EPHA6: variants seen among roughly 807,000 people sequenced by gnomAD.
EPHA6 encodes EPH receptor A6.
Under a neutral mutation model 112.0 loss-of-function variants are expected in EPHA6, and 50 were observed. The observed-to-expected ratio is 0.45, with a 90% CI of 0.36 to 0.56. The LOEUF is 0.56. EPHA6 is among the 20% of genes least tolerant of loss of function. EPHA6 has a pLI of 0.00. For synonymous variants in EPHA6, 529 were observed against 490.7 expected (o/e 1.08, Z -1.03); for missense variants, 1,280 against 1,417.4 (o/e 0.90, Z 1.56).
At chr3:97,093,684 A>G (rs543209644) in intron 3 of EPHA6, among the ~76,000 whole-genome samples, 14 of 152,332 alleles carry the variant, frequency 9.2e-5, no homozygotes, top group Admixed American at 2.6e-4. Context: ...GTAACATGCT[A>G]TAATTATTAT....
intron 2 of EPHA6, among the ~76,000 whole-genome samples, chr3:96,875,374 C>T (rs748969612): frequency 3.3e-5 from 5 of 152,024 alleles, no homozygotes; most frequent in South Asian, 4.1e-4. Context: ...ATTTAATACT[C>T]GAGCAACTAT....
At chr3:97,663,432 C>G (rs2094183070) in intron 14 of EPHA6, among the ~76,000 whole-genome samples, 1 of 151,332 alleles carries the variant, frequency 6.6e-6, no homozygotes, top group African/African-American at 2.4e-5. Flanking sequence ...TGTGCTGCAC[C>G]CATTAACTCG....
intron 6 of EPHA6, among the ~76,000 whole-genome samples, chr3:97,445,954 C>T (rs1227628837): frequency 6.6e-6 from 1 of 152,060 alleles, no homozygotes; most frequent in African/African-American, 2.4e-5. Context: ...CCAACATACC[C>T]TATCTAAACA....
chr3:97,435,312 T>C (rs1289289678), intron 6 of EPHA6, among the ~76,000 whole-genome samples: 1 of 152,204 alleles, frequency 6.6e-6, no homozygotes, highest in Admixed American at 6.5e-5. Flanking sequence ...AACAAATTTA[T>C]TAATTTTGAA....
intron 5 of EPHA6, among the ~76,000 whole-genome samples, chr3:97,394,957 G>C (rs760712682): frequency 1.3e-5 from 2 of 151,264 alleles, no homozygotes; most frequent in Non-Finnish European, 3.0e-5. Flanking sequence ...GATAATCCAG[G>C]CTAATTCCCC....
chr3:97,634,098 C>T (rs779299578), intron 13 of EPHA6, among the ~76,000 whole-genome samples: 2 of 152,072 alleles, frequency 1.3e-5, no homozygotes, highest in East Asian at 1.9e-4. Flanking sequence ...GATAAGAATA[C>T]AGGCTCTGTC....
chr3:97,130,010 C>T (rs2048295671), intron 3 of EPHA6, among the ~76,000 whole-genome samples: 1 of 152,082 alleles, frequency 6.6e-6, no homozygotes, highest in Non-Finnish European at 1.5e-5. Flanking sequence ...AGAGTTAGGT[C>T]AAGGAATAGT....
chr3:97,386,107 A>C (rs981974979), intron 5 of EPHA6, among the ~76,000 whole-genome samples: 1 of 152,148 alleles, frequency 6.6e-6, no homozygotes, highest in Admixed American at 6.5e-5. Context: ...TCATTCAAGC[A>C]TTAACTCAAA....
chr3:97,184,180 C>A (rs1009319362), intron 3 of EPHA6, among the ~76,000 whole-genome samples: 2 of 152,008 alleles, frequency 1.3e-5, no homozygotes, highest in East Asian at 1.9e-4. Flanking sequence ...TTATCAAGTT[C>A]TATTTTAAAG....
At chr3:96,849,413 A>G (rs907392563) in intron 1 of EPHA6, among the ~76,000 whole-genome samples, 16 of 152,122 alleles carry the variant, frequency 1.1e-4, no homozygotes, top group Non-Finnish European at 1.9e-4. Context: ...ATAAATATAT[A>G]GAGAATTATT....
At chr3:97,614,501 A>ATTT (rs35126699) in intron 13 of EPHA6, among the ~76,000 whole-genome samples, 45 of 98,208 alleles carry the variant, frequency 4.6e-4, no homozygotes, top group African/African-American at 1.5e-3. Context: ...CACCCAGCTA[A>ATTT]TTTTTTTTTT....
intron 14 of EPHA6, among the ~76,000 whole-genome samples, chr3:97,687,879 G>A (rs368042624): frequency 5.3e-5 from 8 of 152,174 alleles, no homozygotes; most frequent in African/African-American, 1.9e-4. Context: ...GCAGGTATCT[G>A]GAGCATGCCT....
At chr3:97,206,249 G>T (rs945111923) in intron 3 of EPHA6, among the ~76,000 whole-genome samples, 1 of 151,746 alleles carries the variant, frequency 6.6e-6, no homozygotes, top group Non-Finnish European at 1.5e-5. Flanking sequence ...CTCCTACCTG[G>T]TCTCATTGCT....
chr3:97,731,486 G>C (rs892133494), intron 15 of EPHA6, among the ~76,000 whole-genome samples: 4 of 151,972 alleles, frequency 2.6e-5, no homozygotes. Flanking sequence ...TCTAATTCTG[G>C]GGGAATGCGT....
At chr3:96,831,624 G>A (rs1398463494) in intron 1 of EPHA6, among the ~76,000 whole-genome samples, 3 of 151,792 alleles carry the variant, frequency 2.0e-5, no homozygotes, top group Non-Finnish European at 2.9e-5. Flanking sequence ...TGCACAATAT[G>A]CAGGCTTGTC....
chr3:96,828,797 A>C (rs903919363), intron 1 of EPHA6, among the ~76,000 whole-genome samples: 2 of 152,174 alleles, frequency 1.3e-5, no homozygotes, highest in African/African-American at 4.8e-5. Context: ...CACAGCCACC[A>C]GTCTAGACTG....
intron 3 of EPHA6, among the ~76,000 whole-genome samples, chr3:97,169,592 T>C (rs912210736): frequency 2.0e-5 from 3 of 152,200 alleles, no homozygotes; most frequent in African/African-American, 7.2e-5. Flanking sequence ...TTTTCTGATA[T>C]GTCTTCCCAT....
intron 4 of EPHA6, among the ~76,000 whole-genome samples, chr3:97,230,093 A>G (rs1371120000): frequency 6.6e-6 from 1 of 152,144 alleles, no homozygotes; most frequent in East Asian, 1.9e-4. Context: ...ATAGTTACAG[A>G]CCTGTCAGGC....
At chr3:97,408,688 G>A (rs79081509) in intron 6 of EPHA6, among the ~76,000 whole-genome samples, 1,821 of 152,070 alleles carry the variant, frequency 0.012, 30 homozygotes, top group African/African-American at 0.041. Context: ...TCACATGGCA[G>A]AAGGGTATGG....
Sources: gnomAD v4.1 joint callset for allele counts (sites outside exome capture counted in the v4.1 genomes callset) on GRCh38, gnomAD v4.1.1 for gene constraint, MANE v1.5 for transcripts, NCBI Gene and HGNC (gene_info 2026-07-23, HGNC 2026-07-21) for gene names.